The following CHD8 variants were observed in gnomAD, a reference collection of about 807,000 sequenced individuals.
CHD8 encodes ATP-dependent chromatin remodeler CHD8.
A neutral mutation model predicts 279.2 loss-of-function variants in CHD8; 31 were observed. That is an observed-to-expected ratio of 0.11 (90% confidence interval 0.08 to 0.15). The LOEUF is 0.15. Ranked by LOEUF, CHD8 falls within the 10% of genes least tolerant of loss-of-function variation. CHD8 has a pLI of 1.00. For synonymous variants in CHD8, 1,081 were observed against 1,139.6 expected, an observed-to-expected ratio of 0.95 and a Z score of 1.04; for missense variants, 2,146 against 3,230.5, an observed-to-expected ratio of 0.66 and a Z score of 8.14.
chr14:21,418,804 C>G (rs914619227), intron 5 of CHD8, among the ~76,000 whole-genome samples: 1 of 152,162 alleles, frequency 6.6e-6, no homozygotes, highest in African/African-American at 2.4e-5. Context: ...CTGGGCGACA[C>G]AGGGAGACTC....
At chr14:21,401,647 C>T (rs1235439952) in intron 20 of CHD8, 134 bp from the exon 21 acceptor site, 12 of 615,394 alleles carry the variant, frequency 1.9e-5, no homozygotes, top group African/African-American at 7.5e-5. Context: ...TACAGTGGCA[C>T]GATCTCCGCT....
intron 29 of CHD8, 59 bp downstream of exon 29, chr14:21,395,239 G>A (rs1887725254): frequency 2.6e-6 from 4 of 1,537,670 alleles, no homozygotes; most frequent in Non-Finnish European, 3.6e-6. Flanking sequence ...AGAATTCAGT[G>A]AATAATTCCC....
rs1888200115 is a variant in CHD8, at chr14:21,405,006, AT to A, written c.3307+202del. ...GCCATCACACCTGGCTAATTTTTGT[AT>A]TTTTTGTAGAGGTGGGATTTCATCA... On this transcript the variant is annotated intron_variant, in intron 16 of 37. Transcript: ENST00000646647. This position sits in a 1 kb window ranked among gnomAD's most constrained non-coding sequence, Gnocchi z 4.2. 1.8e-6 allele frequency: 1 copy of A among 564,750 alleles called. No individual in the cohort carries two copies. The highest frequency in any genetic ancestry group is 3.3e-5 in the Admixed American group (1 of 30,490). 35.0% of individuals were successfully genotyped at this position (564,750 alleles called of 1,614,324 possible). A position where few individuals can be genotyped will look rare whatever the true frequency, so the allele number is the denominator to read the frequency against.
At chr14:21,439,744 A>G (rs1889908800) in intron 1 of CHD8, among the ~76,000 whole-genome samples, 1 of 152,226 alleles carries the variant, frequency 6.6e-6, no homozygotes. Context: ...TACTTAAGAC[A>G]ATATCTTATA....
At chr14:21,426,384 A>G in intron 4 of CHD8, 142 bp from the exon 5 acceptor site, 1 of 589,474 alleles carries the variant, frequency 1.7e-6, no homozygotes, top group South Asian at 2.2e-5. Flanking sequence ...CACAGCTACT[A>G]AATATGGTGT....
intron 20 of CHD8, 31 bp from the exon 21 acceptor site, chr14:21,401,544 G>GA: frequency 8.5e-7 from 1 of 1,182,316 alleles, no homozygotes; most frequent in Non-Finnish European, 1.1e-6. Context: ...AGGTAAAGCT[G>GA]ACTTTTTTTT....
rs562301599 is a variant in CHD8, at chr14:21,404,164, G to A, written c.3308-501C>T. ...TGTAATCCCAGCACTTTGGGAGACC[G>A]AAGCGGGCAGATCACCTGAGGTCAG... On this transcript the variant is annotated intron_variant, in intron 16 of 37. Transcript: ENST00000646647. Among the ~76,000 whole-genome samples the A allele has an allele frequency of 4.6e-5, 7 of 151,624 alleles. No individual in the cohort carries two copies. The East Asian group carries it at 9.7e-4, about 21-fold the overall frequency.
intron 5 of CHD8, among the ~76,000 whole-genome samples, chr14:21,420,623 C>G (rs529347370): frequency 5.3e-5 from 8 of 152,146 alleles, no homozygotes; most frequent in Non-Finnish European, 1.0e-4. Context: ...TTAGGGAAAA[C>G]ACACAGTAGA....
chr14:21,433,993 A>T (rs138798172), intron 1 of CHD8, among the ~76,000 whole-genome samples: 27 of 151,944 alleles, frequency 1.8e-4, no homozygotes, highest in Non-Finnish European at 1.9e-4. Context: ...GTCAGAAGTT[A>T]AAGTATCTAC....
At chr14:21,418,126 A>T (rs1408591234) in intron 5 of CHD8, among the ~76,000 whole-genome samples, 2 of 152,138 alleles carry the variant, frequency 1.3e-5, no homozygotes, top group Non-Finnish European at 2.9e-5. Flanking sequence ...TATCAAAAAC[A>T]TTATGCCTTT....
In CHD8 at chr14:21,428,113, C is replaced by T. The variant is rs1252669723; in HGVS notation, c.1357G>A (p.Glu453Lys). The part of the protein sequence containing the change: ...KTGMEENRRL[E>K]HQKKQEKANR... The stretch of plus-strand genomic sequence containing the variant: ...GCTTTCTCTTGCTTCTTCTGGTGTT[C>T]CAATCTGCGGTTTTCCTCCATTCCT... The change falls in exon 4 of 38, where the codon GAA (glutamate) becomes AAA (lysine). Residue 453 changes from glutamate to lysine, a missense_variant. By Grantham distance (56) the Glu-to-Lys change is moderately conservative. Around this residue, in one of 26 missense-constraint regions of CHD8, gnomAD observed 170 missense variants for 189.9 expected, o/e 0.90. Transcript: ENST00000646647. 1 of 1,614,008 alleles carries T rather than the reference C, an allele frequency of 6.2e-7. No individual in the cohort carries two copies. Among genetic ancestry groups the T allele is most frequent in the Admixed American group, 1.7e-5 (1 of 60,028 alleles).
intron 14 of CHD8, among the ~76,000 whole-genome samples, chr14:21,406,314 A>G (rs1888252778): frequency 6.6e-6 from 1 of 152,194 alleles, no homozygotes; most frequent in South Asian, 2.1e-4. Context: ...ATGTAGCAAA[A>G]GTGACACTGT....
At position 21,397,967 on chromosome 14, in the gene CHD8, G is replaced by A; in HGVS notation, c.4922-15C>T. 1.3e-6 allele frequency: 2 copies of A among 1,592,128 alleles called. No homozygotes were observed. Among genetic ancestry groups the A allele is most frequent in the South Asian group, 2.3e-5 (2 of 88,674 alleles). ...TTTCTCATAGCCTAGAAGAAAAAGGGTCATAGTTGAAGAAAATGAGATTTG... is the reference window on the plus strand; with the variant it reads ...TTTCTCATAGCCTAGAAGAAAAAGGATCATAGTTGAAGAAAATGAGATTTG... On this transcript the variant is annotated splice_polypyrimidine_tract_variant and intron_variant, in intron 26 of 37. Transcript: ENST00000646647.
chr14:21,428,243 G>C lies in CHD8; in HGVS notation c.1227C>G (p.Ser409=). Residue 409 remains serine (S), a synonymous_variant, in exon 4 of 38, where the codon TCC becomes TCG. Transcript: ENST00000646647. ...KVVLQPQAGS[S]QGASSGLSVV... ...CAGAGAGCCCAGAAGAGGCCCCTTG[G>C]GAAGAGCCAGCCTATAGAAACAAAG... 1 of 1,613,712 alleles carries C rather than the reference G, an allele frequency of 6.2e-7. No individual in the cohort carries two copies. The highest frequency in any genetic ancestry group is 8.5e-7 in the Non-Finnish European group (1 of 1,179,740).
intron 1 of CHD8, chr14:21,437,337 A>C (rs1003024933): frequency 2.0e-6 from 2 of 1,000,956 alleles, no homozygotes; most frequent in Admixed American, 4.4e-5. Flanking sequence ...CCAAAGGCGA[A>C]AAGACGCAAA....
intron 1 of CHD8, among the ~76,000 whole-genome samples, chr14:21,447,148 A>T (rs1890142336): frequency 6.6e-6 from 1 of 152,254 alleles, no homozygotes; most frequent in Non-Finnish European, 1.5e-5. Context: ...CAGAAGTATC[A>T]TAAAATCACA....
chr14:21,435,588 C>T (rs1889749758), intron 1 of CHD8, among the ~76,000 whole-genome samples: 1 of 152,266 alleles, frequency 6.6e-6, no homozygotes, highest in Middle Eastern at 3.4e-3. Context: ...ATTTTTCCAT[C>T]TCAATCTCTC....
Position 21,394,387 on chromosome 14 carries a change from C to T in CHD8, c.5489G>A (p.Arg1830His), listed in dbSNP as rs1308666377. ...CTTTTTGTCTAGTCGAGCAAAAGTG[C>T]GGAAGCGATCCCAATGGAACTGCAT... ...DTMQFHWDRF[R>H]TFARLDKKTD... Residue 1830 changes from arginine to histidine, a missense_variant, in exon 31 of 38, where the codon CGC becomes CAC. Physicochemically the swap from Arg to His is conservative, Grantham distance 29. This residue lies in a region of CHD8 where 513 missense variants were observed against 637.6 expected (regional missense o/e 0.80). Coordinates refer to ENST00000646647, the MANE Select transcript of CHD8 (RefSeq NM_001170629.2). The T allele has an allele frequency of 6.8e-6, 11 of 1,613,744 alleles. No homozygotes were observed. The highest frequency in any genetic ancestry group is 6.8e-6 in the Non-Finnish European group (8 of 1,179,860).
chr14:21,399,825 CT>C, intron 25 of CHD8, 120 bp from the exon 26 acceptor site: 1 of 928,814 alleles, frequency 1.1e-6, no homozygotes, highest in Non-Finnish European at 1.8e-6. Flanking sequence ...TGCATCTACC[CT>C]ATTTCCTCCC....
Sources: gnomAD v4.1 joint callset for allele counts (sites outside exome capture counted in the v4.1 genomes callset) on GRCh38, gnomAD v4.1.1 for gene constraint, gnomAD v4.1.1 regional missense constraint, Gnocchi (gnomAD v3.1) non-coding constraint, MANE v1.5 for transcripts, NCBI Gene and HGNC (gene_info 2026-07-23, HGNC 2026-07-21) for gene names.